Variants in FAAH2 observed in about 807,000 individuals in gnomAD.
The protein encoded by FAAH2 is fatty acid amide hydrolase 2, also known as fatty-acid amide hydrolase 2.
Under a neutral mutation model 36.9 loss-of-function variants are expected in FAAH2, and 60 were observed. The ratio of observed to expected loss-of-function variants is 1.63; its 90% CI spans 1.32 to 2.02. The LOEUF (loss-of-function observed/expected upper bound fraction) is 2.02, where lower values mean the gene tolerates loss of function less well. Among genes scored for constraint, FAAH2 ranks in the 30% most tolerant of loss-of-function variants. The pLI is 0.00. For synonymous variants in FAAH2, 214 were observed against 143.8 expected, an observed-to-expected ratio of 1.49 and a Z score of -3.49; for missense variants, 689 against 397.5, an observed-to-expected ratio of 1.73 and a Z score of -6.23.
chrX:57,450,833 T>C (rs921854325), intron 10 of FAAH2, among the ~76,000 whole-genome samples: 7 of 111,468 alleles, frequency 6.3e-5, no homozygotes, highest in Admixed American at 4.8e-4. Flanking sequence ...TTATTAATAA[T>C]AGTGATAATG....
chrX:57,336,946 C>T (rs1007142913), intron 4 of FAAH2, among the ~76,000 whole-genome samples: 3 of 86,608 alleles, frequency 3.5e-5, no homozygotes, highest in Non-Finnish European at 6.7e-5. Context: ...CAAAAATCAA[C>T]GAATCCAGGA....
intron 2 of FAAH2, among the ~76,000 whole-genome samples, chrX:57,308,287 G>A (rs1569246587): frequency 9.0e-6 from 1 of 111,148 alleles, no homozygotes; most frequent in African/African-American, 3.3e-5. Context: ...CAGCTTCACC[G>A]GTATCTGTTG....
chrX:57,265,835 GA>G, the FAAH2 span, among the ~76,000 whole-genome samples: 2 of 111,725 alleles, frequency 1.8e-5, no homozygotes, highest in Non-Finnish European at 3.8e-5. Flanking sequence ...ACTGCCCTAT[GA>G]AAAAGTGGCC....
chrX:57,394,341 C>T (rs890117736), intron 7 of FAAH2: 4 of 1,163,963 alleles, frequency 3.4e-6, no homozygotes, highest in Admixed American at 4.4e-5. Context: ...TGATATTTCC[C>T]AACAGGCTGG....
chrX:57,322,599 A>C (rs1330336301), intron 3 of FAAH2, among the ~76,000 whole-genome samples: 2 of 110,759 alleles, frequency 1.8e-5, no homozygotes, highest in Non-Finnish European at 3.8e-5. Flanking sequence ...ATATTTTCTA[A>C]TTTGCCTTCT....
chrX:57,476,293 T>G (rs897767893), intron 10 of FAAH2, among the ~76,000 whole-genome samples: 2 of 111,223 alleles, frequency 1.8e-5, no homozygotes, highest in Non-Finnish European at 3.8e-5. Flanking sequence ...AAGGGAATGC[T>G]TCCAGCTTTT....
At chrX:57,385,071 A>G (rs1291078817) in intron 7 of FAAH2, among the ~76,000 whole-genome samples, 3 of 110,155 alleles carry the variant, frequency 2.7e-5, no homozygotes, top group African/African-American at 9.9e-5. Context: ...ATAGGTGGGA[A>G]TTGTACAATG....
At chrX:57,394,005 G>A in intron 7 of FAAH2, 3 of 746,715 alleles carry the variant, frequency 4.0e-6, no homozygotes, top group South Asian at 2.1e-5. Flanking sequence ...TTTACTGATG[G>A]CACCAAATGA....
At chrX:57,453,570 T>G (rs1242742872) in intron 10 of FAAH2, among the ~76,000 whole-genome samples, 1 of 110,577 alleles carries the variant, frequency 9.0e-6, no homozygotes, top group Admixed American at 9.6e-5. Flanking sequence ...CTGTCTGAAC[T>G]CTGATGGCAG....
chrX:57,302,677 C>T (rs1012309788), intron 2 of FAAH2, among the ~76,000 whole-genome samples: 4 of 111,156 alleles, frequency 3.6e-5, no homozygotes, highest in Admixed American at 9.6e-5. Flanking sequence ...CCTTGGATTT[C>T]GCTCCCCTAC....
At chrX:57,387,905 CATT>C (rs930152473) in intron 7 of FAAH2, among the ~76,000 whole-genome samples, 2 of 111,126 alleles carry the variant, frequency 1.8e-5, no homozygotes, top group African/African-American at 6.5e-5. Context: ...TAGAGAAAGA[CATT>C]ATTACATCAT....
chrX:57,151,775 G>A, the FAAH2 span, among the ~76,000 whole-genome samples: 32 of 111,554 alleles, frequency 2.9e-4, no homozygotes, highest in African/African-American at 4.2e-4. Context: ...GTCATTCTCC[G>A]TCCAGGTTTG....
chrX:57,487,316 C>A (rs1397646875), intron 10 of FAAH2, among the ~76,000 whole-genome samples: 1 of 109,662 alleles, frequency 9.1e-6, no homozygotes, highest in Non-Finnish European at 1.9e-5. Flanking sequence ...AACTATATTT[C>A]AAAATATAAC....
At chrX:57,164,787 C>T in the FAAH2 span, among the ~76,000 whole-genome samples, 1 of 112,280 alleles carries the variant, frequency 8.9e-6, no homozygotes, top group Non-Finnish European at 1.9e-5. Context: ...AATAACAACT[C>T]TTAGGTTGAC....
the FAAH2 span, among the ~76,000 whole-genome samples, chrX:57,266,074 G>A: frequency 8.9e-6 from 1 of 111,804 alleles, no homozygotes; most frequent in Non-Finnish European, 1.9e-5. Context: ...GGGGGCTGAT[G>A]TGGACTCACA....
intron 10 of FAAH2, among the ~76,000 whole-genome samples, chrX:57,462,850 G>A (rs1232286642): frequency 8.9e-6 from 1 of 112,054 alleles, no homozygotes; most frequent in Admixed American, 9.5e-5. Context: ...ATTCAAATAG[G>A]AAGAGAGGAA....
rs551276060 is a variant in FAAH2, at chrX:57,294,455, A to G, written c.275+1875A>G. Among the ~76,000 whole-genome samples, 5 of 112,114 alleles carry G rather than the reference A, an allele frequency of 4.5e-5. No homozygotes were observed. In the South Asian group the frequency reaches 1.5e-3, roughly 33 times the overall value. The stretch of plus-strand genomic sequence containing the variant: ...CCCAAACCTGTTCTTCCATCCAGTC[A>G]CACAAGCAAGATACCTAGGTGTACC... On this transcript the variant is annotated intron_variant, in intron 2 of 10. Coordinates refer to ENST00000374900, the MANE Select transcript of FAAH2 (RefSeq NM_174912.4).
intron 7 of FAAH2, among the ~76,000 whole-genome samples, chrX:57,412,513 G>A (rs1327194147): frequency 9.0e-6 from 1 of 111,541 alleles, no homozygotes; most frequent in Non-Finnish European, 1.9e-5. Context: ...GAGAATGATG[G>A]TTTCCAGCTA....
intron 5 of FAAH2, among the ~76,000 whole-genome samples, chrX:57,363,935 C>T (rs1289259673): frequency 9.3e-6 from 1 of 107,183 alleles, no homozygotes; most frequent in East Asian, 2.9e-4. Context: ...TCTTTATATG[C>T]TTCAGGATTT....
Sources: gnomAD v4.1 joint callset for allele counts (sites outside exome capture counted in the v4.1 genomes callset) on GRCh38, gnomAD v4.1.1 for gene constraint, MANE v1.5 for transcripts, NCBI Gene and HGNC (gene_info 2026-07-23, HGNC 2026-07-21) for gene names.